Variants in HMMR observed in about 807,000 individuals in gnomAD.
HMMR encodes the protein hyaluronan mediated motility receptor.
Under a neutral mutation model 101.0 loss-of-function variants are expected in HMMR, and 108 were observed. The observed-to-expected ratio is 1.07, with a 90% confidence interval of 0.92 to 1.25. The LOEUF (loss-of-function observed/expected upper bound fraction) is 1.25, where lower values mean the gene tolerates loss of function less well. Ranked by LOEUF, HMMR falls within the 50% of genes most tolerant of loss-of-function variation. The pLI, the probability that HMMR is intolerant of heterozygous loss-of-function variation, is 0.00. For synonymous variants in HMMR, 296 were observed against 276.4 expected, an observed-to-expected ratio of 1.07 and a Z score of -0.70; for missense variants, 813 against 788.7, an observed-to-expected ratio of 1.03 and a Z score of -0.37.
chr5:163,469,527 C>A, intron 4 of HMMR, 114 bp from the exon 5 acceptor site: 1 of 778,796 alleles, frequency 1.3e-6, no homozygotes, highest in Non-Finnish European at 2.2e-6. Context: ...TATCTACAAG[C>A]ATAATGTCAA....
chr5:163,484,377 T>C, intron 16 of HMMR, 132 bp downstream of exon 16: 2 of 546,644 alleles, frequency 3.7e-6, no homozygotes, highest in Non-Finnish European at 6.4e-6. Flanking sequence ...TGAGCTGTGA[T>C]TTAGTGGATT....
intron 1 of HMMR, among the ~76,000 whole-genome samples, chr5:163,462,490 T>C (rs977654062): frequency 6.6e-6 from 1 of 152,154 alleles, no homozygotes; most frequent in African/African-American, 2.4e-5. Flanking sequence ...ATATGAGTCA[T>C]GCTTTTTCTA....
intron 1 of HMMR, 103 bp downstream of exon 1, chr5:163,460,841 G>C (rs1758498474): frequency 2.1e-6 from 2 of 946,302 alleles, no homozygotes; most frequent in Non-Finnish European, 3.4e-6. Context: ...TTTAGGGTCG[G>C]GCTGGGGCTC....
chr5:163,464,672 G>C lies in HMMR; in HGVS notation c.146-51G>C, dbSNP rs764460129. 3 of 1,255,704 alleles carry C rather than the reference G, an allele frequency of 2.4e-6. No individual in the cohort carries two copies. In the South Asian group the frequency reaches 3.7e-5, roughly 16 times the overall value. 77.8% of individuals were successfully genotyped at this position (1,255,704 alleles called of 1,614,324 possible). ...ATTTGGAAATTGTGTTTTGTGTGTA[G>C]TTAAAACACATTGACATCAACCATG... On this transcript the variant is annotated intron_variant, in intron 2 of 17. Transcript: ENST00000393915.
Position 163,464,772 on chromosome 5 carries a change from A to G in HMMR, c.195A>G (p.Ser65=), listed in dbSNP as rs775494188. 1 of 1,613,028 alleles carries G rather than the reference A, an allele frequency of 6.2e-7. No homozygotes were observed. Among genetic ancestry groups the G allele is most frequent in the South Asian group, 1.1e-5 (1 of 91,052 alleles). The change falls in exon 3 of 18, where the codon TCA becomes TCG. Residue 65 remains serine (S), a synonymous_variant. Transcript: ENST00000393915. ...ACAAAGATACTACCTTGCCTGCTTC[A>G]GCTAGAAAAGTTAAGTCTTCGGAAT... ...NVDKDTTLPA[S]ARKVKSSESK... is the part of the protein sequence containing the mutation.
intron 12 of HMMR, among the ~76,000 whole-genome samples, chr5:163,480,799 G>A (rs537125006): frequency 6.6e-6 from 1 of 152,170 alleles, no homozygotes; most frequent in Middle Eastern, 3.4e-3. Context: ...TGTCTATAGG[G>A]TTATCATCTT....
At chr5:163,486,943 G>A (rs1255183359) in intron 16 of HMMR, among the ~76,000 whole-genome samples, 3 of 152,178 alleles carry the variant, frequency 2.0e-5, no homozygotes, top group African/African-American at 7.2e-5. Flanking sequence ...GCTAGGTGTG[G>A]CGGCGGGCGC....
At chr5:163,488,284 G>A (rs982810377) in intron 16 of HMMR, among the ~76,000 whole-genome samples, 1 of 152,110 alleles carries the variant, frequency 6.6e-6, no homozygotes, top group East Asian at 1.9e-4. Flanking sequence ...AGGCAGTAAG[G>A]ATAGTACTCA....
chr5:163,491,122 C>CT lies in HMMR; in HGVS notation c.2137dup (p.Cys713LeufsTer17), dbSNP rs1440655037. 7 of 1,563,680 alleles carry CT rather than the reference C, an allele frequency of 4.5e-6. No individual in the cohort carries two copies. Among genetic ancestry groups the CT allele is most frequent in the Non-Finnish European group, 5.2e-6 (6 of 1,150,146 alleles). On this transcript the variant is annotated frameshift_variant, in exon 18 of 18. Coordinates refer to ENST00000393915, the MANE Select transcript of HMMR (RefSeq NM_001142556.2). LOFTEE classifies it high-confidence loss of function. The stretch of plus-strand genomic sequence containing the variant: ...CAATAATTCTTCTAGGCAATACAAA[C>CT]TGTTACCGAGCTCCTATGGAGTGTC...
chr5:163,483,577 T>C (rs944482729), intron 15 of HMMR, among the ~76,000 whole-genome samples: 1 of 152,158 alleles, frequency 6.6e-6, no homozygotes, highest in African/African-American at 2.4e-5. Context: ...ACAAATTTAA[T>C]TGACATAATT....
chr5:163,482,262 C>T (rs1230108316), intron 12 of HMMR, among the ~76,000 whole-genome samples: 5 of 152,188 alleles, frequency 3.3e-5, no homozygotes, highest in African/African-American at 1.2e-4. Flanking sequence ...CAGGTAAGCC[C>T]ACTGTGCCCT....
chr5:163,474,438 G>A, intron 10 of HMMR: 1 of 512,140 alleles, frequency 2.0e-6, no homozygotes, highest in East Asian at 4.3e-5. Flanking sequence ...GCAAAATAGG[G>A]AATTTTTAAA....
chr5:163,472,778 A>G (rs1758938380), intron 7 of HMMR, among the ~76,000 whole-genome samples: 1 of 152,190 alleles, frequency 6.6e-6, no homozygotes, highest in Admixed American at 6.5e-5. Context: ...TGCATTGGAC[A>G]GTTTGGTGGA....
chr5:163,479,839 A>G (rs1395036403), intron 12 of HMMR, among the ~76,000 whole-genome samples: 2 of 151,876 alleles, frequency 1.3e-5, no homozygotes, highest in Non-Finnish European at 2.9e-5. Flanking sequence ...GATTGTCTCT[A>G]TATCCACTTC....
At chr5:163,464,908 A>G (rs1469052059) in intron 3 of HMMR, 106 bp downstream of exon 3, 2 of 691,134 alleles carry the variant, frequency 2.9e-6, no homozygotes, top group Admixed American at 2.6e-5. Flanking sequence ...CAAGGTTATA[A>G]GTAAATCTGT....
At chr5:163,489,333 G>A (rs2113526037) in intron 16 of HMMR, 1 of 152,394 alleles carries the variant, frequency 6.6e-6, no homozygotes, top group South Asian at 2.1e-4. Context: ...CTGCTTTAGA[G>A]CACCCTTAGG....
At chr5:163,475,408 C>A in intron 10 of HMMR, 50 bp from the exon 11 acceptor site, 1 of 1,082,398 alleles carries the variant, frequency 9.2e-7, no homozygotes, top group Non-Finnish European at 1.4e-6. Context: ...CCTAGTACAA[C>A]CTCACAATGC....
intron 11 of HMMR, among the ~76,000 whole-genome samples, chr5:163,476,363 A>C (rs1358587559): frequency 2.0e-5 from 3 of 152,082 alleles, no homozygotes; most frequent in Non-Finnish European, 4.4e-5. Context: ...AAAAATAAAG[A>C]ATCCCTCCCA....
chr5:163,463,772 TTA>T (rs1456109180), intron 1 of HMMR, 82 bp from the exon 2 acceptor site: 2 of 548,360 alleles, frequency 3.6e-6, no homozygotes, highest in East Asian at 7.1e-5. Flanking sequence ...ATTTTTACAT[TTA>T]TATTCACTTT....
Sources: gnomAD v4.1 joint callset for allele counts (sites outside exome capture counted in the v4.1 genomes callset) on GRCh38, gnomAD v4.1.1 for gene constraint, MANE v1.5 for transcripts, NCBI Gene and HGNC (gene_info 2026-07-23, HGNC 2026-07-21) for gene names.